MACROD1: variants seen among roughly 807,000 people sequenced by gnomAD.
The protein encoded by MACROD1 is ADP-ribose glycohydrolase MACROD1.
MACROD1 carries 31 observed loss-of-function variants against 41.4 expected under a neutral mutation model. The observed-to-expected ratio is 0.75, with a 90% CI of 0.56 to 1.01. The LOEUF is 1.01. Ranked by LOEUF, MACROD1 falls within the 50% of genes least tolerant of loss-of-function variation. MACROD1 has a pLI of 0.00. For synonymous variants in MACROD1, 252 were observed against 203.4 expected (o/e 1.24, Z -2.03); for missense variants, 473 against 460.0 (o/e 1.03, Z -0.26).
chr11:64,013,824 C>T (rs1046583363), intron 4 of MACROD1, among the ~76,000 whole-genome samples: 5 of 152,208 alleles, frequency 3.3e-5, no homozygotes, highest in Non-Finnish European at 7.3e-5. Flanking sequence ...CCTTTGCCTG[C>T]GCTGTTCCCT....
Position 64,117,705 on chromosome 11 carries a change from A to G in MACROD1, c.517+33534T>C, listed in dbSNP as rs766433079. On this transcript the variant is annotated intron_variant, in intron 3 of 10. Coordinates refer to ENST00000255681, the MANE Select transcript of MACROD1 (RefSeq NM_014067.4). The stretch of plus-strand genomic sequence containing the variant: ...GGGCCACAGCCCAGCCGTGGGCTCC[A>G]TCACGGAGACCTTGGTGCAGGGGGA... The G allele has an allele frequency of 3.1e-6, 5 of 1,613,672 alleles. No homozygotes were observed. In the South Asian group the frequency reaches 3.3e-5, roughly 11 times the overall value.
At chr11:64,134,616 G>A (rs1418091911) in intron 3 of MACROD1, among the ~76,000 whole-genome samples, 2 of 152,158 alleles carry the variant, frequency 1.3e-5, no homozygotes, top group Non-Finnish European at 2.9e-5. Context: ...TGCAGGGGTG[G>A]GGGACAGCAC....
intron 1 of MACROD1, among the ~76,000 whole-genome samples, chr11:64,156,792 G>A (rs1370787376): frequency 1.3e-5 from 2 of 152,314 alleles, no homozygotes; most frequent in African/African-American, 4.8e-5. Flanking sequence ...CCGACCTTGA[G>A]GACATCTGTC....
intron 3 of MACROD1, among the ~76,000 whole-genome samples, chr11:64,063,972 C>T (rs1304476792): frequency 6.6e-6 from 1 of 152,180 alleles, no homozygotes; most frequent in Non-Finnish European, 1.5e-5. Context: ...GACAATGAAT[C>T]GCATCCGAGT....
intron 3 of MACROD1, among the ~76,000 whole-genome samples, chr11:64,141,207 C>A (rs1039070366): frequency 1.3e-5 from 2 of 152,198 alleles, no homozygotes; most frequent in African/African-American, 4.8e-5. Context: ...GAGACGGGGC[C>A]TGGGTCCTTG....
intron 3 of MACROD1, among the ~76,000 whole-genome samples, chr11:64,016,290 T>C (rs1323012178): frequency 4.6e-5 from 7 of 152,224 alleles, no homozygotes; most frequent in Non-Finnish European, 1.0e-4. Flanking sequence ...ATCCGCAGCC[T>C]GCGTCCGTGG....
intron 3 of MACROD1, among the ~76,000 whole-genome samples, chr11:64,135,729 G>A (rs1211216470): frequency 6.6e-6 from 1 of 152,108 alleles, no homozygotes; most frequent in Non-Finnish European, 1.5e-5. Context: ...CCTTCCCCGC[G>A]CCAGGTGGTA....
chr11:64,031,476 C>CTTA (rs774162906), intron 3 of MACROD1, among the ~76,000 whole-genome samples: 1 of 114,948 alleles, frequency 8.7e-6, no homozygotes, highest in East Asian at 2.3e-4. Flanking sequence ...GCCTGCCTTC[C>CTTA]TTTTTTTTTT....
chr11:64,009,640 G>A (rs541469259), intron 4 of MACROD1, among the ~76,000 whole-genome samples: 111 of 152,286 alleles, frequency 7.3e-4, no homozygotes, highest in Non-Finnish European at 1.2e-3. Context: ...CATCTAGTTC[G>A]GCCCCAGGGT....
rs1590941223 is a variant in MACROD1, at chr11:64,122,019, G to T, written c.517+29220C>A. Among the ~76,000 whole-genome samples, 1 of 151,936 alleles carries T rather than the reference G, an allele frequency of 6.6e-6. No individual in the cohort carries two copies. Among genetic ancestry groups the T allele is most frequent in the African/African-American group, 2.4e-5 (1 of 41,322 alleles). On this transcript the variant is annotated intron_variant, in intron 3 of 10. Coordinates refer to ENST00000255681, the MANE Select transcript of MACROD1 (RefSeq NM_014067.4). The surrounding 1 kb of genome is among the most constrained non-coding windows in gnomAD (Gnocchi z 4.0). Reference sequence around the variant, plus strand: ...AAAAGGCAAGGAAGGAGAGAGAGAAGGCACCAGCAGGCCGGGAATCATTTG... The same window carrying T: ...AAAAGGCAAGGAAGGAGAGAGAGAATGCACCAGCAGGCCGGGAATCATTTG...
intron 3 of MACROD1, among the ~76,000 whole-genome samples, chr11:64,017,922 C>T (rs320132): frequency 0.014 from 2,097 of 152,348 alleles, 44 homozygotes; most frequent in African/African-American, 0.046. Context: ...TGCTGTTCTG[C>T]AGTCCCCTGT....
rs184053640 is a variant in MACROD1, at chr11:64,057,655, G to A, written c.518-42374C>T. ...CCTTGAAGATCAAGGTCAGGAGAGG[G>A]GGCTACAGGGTCCCCAGGGTGTCTG... On this transcript the variant is annotated intron_variant, in intron 3 of 10. Coordinates refer to ENST00000255681, the MANE Select transcript of MACROD1 (RefSeq NM_014067.4). Among the ~76,000 whole-genome samples, 6 of 152,308 alleles carry A rather than the reference G, an allele frequency of 3.9e-5. No homozygotes were observed. In the East Asian group the frequency reaches 9.6e-4, roughly 24 times the overall value.
intron 3 of MACROD1, among the ~76,000 whole-genome samples, chr11:64,040,116 G>T (rs544420199): frequency 5.9e-5 from 9 of 152,362 alleles, no homozygotes; most frequent in African/African-American, 2.2e-4. Flanking sequence ...CAAAAGTGGG[G>T]AACAAAAGCA....
intron 3 of MACROD1, among the ~76,000 whole-genome samples, chr11:64,130,720 CCCA>C (rs1945253880): frequency 1.3e-5 from 2 of 152,202 alleles, no homozygotes; most frequent in African/African-American, 2.4e-5. Context: ...CGCCGCCGCA[CCCA>C]CGTCACCTTC....
At chr11:64,106,887 TTTA>T (rs1944771680) in intron 3 of MACROD1, among the ~76,000 whole-genome samples, 1 of 152,070 alleles carries the variant, frequency 6.6e-6, no homozygotes, top group Non-Finnish European at 1.5e-5. Flanking sequence ...TTTATTTTAT[TTTA>T]TTTTTTTTTG....
rs202172057 is a variant in MACROD1, at chr11:64,113,871, CATGG to C, written c.517+37364_517+37367del. ...GGACAGCTGGATGTATGGATTGATA[CATGG>C]ATGGATGGATGGATGGATGGATGGA... On this transcript the variant is annotated intron_variant, in intron 3 of 10. Transcript: ENST00000255681. Among the ~76,000 whole-genome samples, 742 of 77,884 alleles carry C rather than the reference CATGG, an allele frequency of 9.5e-3. 9 individuals are homozygous for C. Among genetic ancestry groups the C allele is most frequent in the African/African-American group, 0.027 (636 of 23,394 alleles). The allele number at this position is 77,884 out of a possible 152,430, so 51.1% of individuals were successfully genotyped here. A position where few individuals can be genotyped will look rare whatever the true frequency, so the allele number is the denominator to read the frequency against.
Position 64,095,254 on chromosome 11 carries a change from G to A in MACROD1, c.517+55985C>T, listed in dbSNP as rs142967340. On this transcript the variant is annotated intron_variant, in intron 3 of 10. Transcript: ENST00000255681. ...TCCCAATTCAGCTAGTCTCTCAGGCGCACTTTAAGTTCTTTTGAAGTGTTA... is the reference window on the plus strand; with the variant it reads ...TCCCAATTCAGCTAGTCTCTCAGGCACACTTTAAGTTCTTTTGAAGTGTTA... Among the ~76,000 whole-genome samples, 331 of 152,190 alleles carry A rather than the reference G, an allele frequency of 2.2e-3. 3 individuals are homozygous for A. Among genetic ancestry groups the A allele is most frequent in the Non-Finnish European group, 2.0e-3 (134 of 68,022 alleles).
chr11:64,019,006 C>T (rs999657297), intron 3 of MACROD1, among the ~76,000 whole-genome samples: 2 of 152,068 alleles, frequency 1.3e-5, no homozygotes, highest in African/African-American at 4.8e-5. Flanking sequence ...AAACAGGGGC[C>T]TTTGAACGCC....
intron 3 of MACROD1, among the ~76,000 whole-genome samples, chr11:64,050,078 A>G (rs1590839470): frequency 6.6e-6 from 1 of 152,114 alleles, no homozygotes; most frequent in East Asian, 1.9e-4. Flanking sequence ...TTCCCTCGAG[A>G]TCTCTCCGGA....
Sources: allele counts gnomAD v4.1 joint callset (sites outside exome capture counted in the v4.1 genomes callset), GRCh38; gene constraint gnomAD v4.1.1; non-coding constraint Gnocchi (gnomAD v3.1); transcripts MANE v1.5; gene names NCBI Gene and HGNC (gene_info 2026-07-23, HGNC 2026-07-21).